Variants in ZNF474 observed in about 807,000 individuals in gnomAD.
ZNF474 encodes the protein zinc finger protein 474, also known as 4933409D10Rik.
For synonymous variants in ZNF474, 192 were observed against 162.2 expected (o/e 1.18, Z -1.39); for missense variants, 511 against 433.8 (o/e 1.18, Z -1.58).
At chr5:122,135,289 T>A (rs1451217594) in intron 1 of ZNF474, among the ~76,000 whole-genome samples, 1 of 151,932 alleles carries the variant, frequency 6.6e-6, no homozygotes, top group Non-Finnish European at 1.5e-5. Flanking sequence ...GGGCAACATA[T>A]CAAGACTTCA....
At chr5:122,146,592 A>G (rs577655589) in intron 1 of ZNF474, among the ~76,000 whole-genome samples, 11 of 152,206 alleles carry the variant, frequency 7.2e-5, no homozygotes, top group Non-Finnish European at 1.5e-4. Flanking sequence ...TGTGCTAATC[A>G]CCAGTATTAA....
At position 122,153,131 on chromosome 5, in the gene ZNF474, A is replaced by G; in HGVS notation, c.*46A>G. 1.3e-6 allele frequency: 2 copies of G among 1,550,720 alleles called. No homozygotes were observed. The highest frequency in any genetic ancestry group is 1.7e-6 in the Non-Finnish European group (2 of 1,152,318). ...CCCAGAATCAGCCACCTCAGCCCCT[A>G]GTATTTTTTCTATCAATGCCTTGTA... On this transcript the variant is annotated 3_prime_UTR_variant, in exon 2 of 2. Transcript: ENST00000296600.
intron 1 of ZNF474, among the ~76,000 whole-genome samples, chr5:122,144,807 T>C (rs527957884): frequency 6.6e-6 from 1 of 152,318 alleles, no homozygotes; most frequent in African/African-American, 2.4e-5. Context: ...AGGCCTCTAA[T>C]GTGATTATAC....
chr5:122,147,423 G>A (rs376624253), intron 1 of ZNF474, among the ~76,000 whole-genome samples: 73 of 152,242 alleles, frequency 4.8e-4, no homozygotes, highest in African/African-American at 1.6e-3. Flanking sequence ...TGTGCACAAC[G>A]TGCAGTTTCG....
chr5:122,139,554 A>G (rs992484638), intron 1 of ZNF474, among the ~76,000 whole-genome samples: 3 of 152,212 alleles, frequency 2.0e-5, no homozygotes, highest in African/African-American at 7.2e-5. Flanking sequence ...TATTGATTTC[A>G]TAATGTCTTC....
intron 1 of ZNF474, among the ~76,000 whole-genome samples, chr5:122,146,440 T>C (rs1755991292): frequency 6.6e-6 from 1 of 152,152 alleles, no homozygotes; most frequent in Non-Finnish European, 1.5e-5. Flanking sequence ...ATCCAGTATT[T>C]ATAGTATCAA....
chr5:122,130,757 G>C (rs1755556470), intron 1 of ZNF474, among the ~76,000 whole-genome samples: 1 of 152,114 alleles, frequency 6.6e-6, no homozygotes, highest in Non-Finnish European at 1.5e-5. Context: ...CTCATGAAAT[G>C]TGTTGACATA....
chr5:122,137,805 C>CTCAAAAAA (rs1755741868), intron 1 of ZNF474, among the ~76,000 whole-genome samples: 1 of 152,172 alleles, frequency 6.6e-6, no homozygotes, highest in Non-Finnish European at 1.5e-5. Context: ...AACCATGGAG[C>CTCAAAAAA]AGTCAGTCAG....
At chr5:122,130,998 C>T (rs1411663052) in intron 1 of ZNF474, among the ~76,000 whole-genome samples, 1 of 152,124 alleles carries the variant, frequency 6.6e-6, no homozygotes, top group South Asian at 2.1e-4. Flanking sequence ...ATCTTCCCTT[C>T]GTCTCATCCT....
intron 1 of ZNF474, among the ~76,000 whole-genome samples, chr5:122,137,516 A>G (rs965094002): frequency 4.6e-5 from 7 of 150,804 alleles, no homozygotes; most frequent in African/African-American, 1.7e-4. Context: ...ATATTTAAAT[A>G]GAGACCTGAA....
rs567820217 is a variant in ZNF474 at position 122,148,406 on chromosome 5, C to T, written c.-212-3373C>T. Among the ~76,000 whole-genome samples the T allele has an allele frequency of 2.6e-5, 4 of 152,318 alleles. No homozygotes were observed. In the South Asian group the frequency reaches 8.3e-4, roughly 32 times the overall value. On this transcript the variant is annotated intron_variant, in intron 1 of 1. Coordinates refer to ENST00000296600, the MANE Select transcript of ZNF474 (RefSeq NM_207317.3). ...AAATGGACGTTTTGTGATGTTTCAT[C>T]GTGTTTGCTGCAGAGAAAATATTTG...
At chr5:122,144,794 T>G (rs1755944235) in intron 1 of ZNF474, among the ~76,000 whole-genome samples, 1 of 152,176 alleles carries the variant, frequency 6.6e-6, no homozygotes, top group Admixed American at 6.5e-5. Context: ...TTCTATATAT[T>G]ATAGGCCTCT....
rs369792024 is a variant in ZNF474 at position 122,130,390 on chromosome 5, G to C, written c.-213+707G>C. On this transcript the variant is annotated intron_variant, in intron 1 of 1. Coordinates refer to ENST00000296600, the MANE Select transcript of ZNF474 (RefSeq NM_207317.3). ...CACTGTTTTGATTTCTGTCCTCAAA[G>C]AATAGTTGGCCATTCATGAACTTTA... 4.7e-4 allele frequency among the ~76,000 whole-genome samples: 71 copies of C among 152,222 alleles called. 2 individuals carry two copies. In the South Asian group the frequency reaches 0.01, roughly 22 times the overall value.
At chr5:122,133,518 A>G (rs539935363) in intron 1 of ZNF474, among the ~76,000 whole-genome samples, 74 of 152,300 alleles carry the variant, frequency 4.9e-4, no homozygotes, top group African/African-American at 1.7e-3. Context: ...CCTAAAATGT[A>G]AACTATTATT....
chr5:122,139,408 A>C (rs1355691094), intron 1 of ZNF474, among the ~76,000 whole-genome samples: 1 of 152,182 alleles, frequency 6.6e-6, no homozygotes, highest in East Asian at 1.9e-4. Flanking sequence ...TCTTTCATGT[A>C]ACCAAATTTA....
At chr5:122,146,362 T>C (rs1202089863) in intron 1 of ZNF474, among the ~76,000 whole-genome samples, 1 of 151,712 alleles carries the variant, frequency 6.6e-6, no homozygotes, top group Admixed American at 6.5e-5. Context: ...TAAAAAATAG[T>C]CATTAAATTT....
intron 1 of ZNF474, among the ~76,000 whole-genome samples, chr5:122,131,177 A>G (rs1396586811): frequency 1.3e-5 from 2 of 152,180 alleles, no homozygotes; most frequent in African/African-American, 2.4e-5. Flanking sequence ...GAATGTGGAG[A>G]AATGGGAACC....
intron 1 of ZNF474, among the ~76,000 whole-genome samples, chr5:122,136,645 A>T: frequency 6.6e-6 from 1 of 152,222 alleles, no homozygotes; most frequent in East Asian, 1.9e-4. Flanking sequence ...CAGTATAGTT[A>T]TGCTTTTAAA....
intron 1 of ZNF474, among the ~76,000 whole-genome samples, chr5:122,148,569 C>G (rs2152606485): frequency 6.6e-6 from 1 of 152,232 alleles, no homozygotes; most frequent in South Asian, 2.1e-4. Flanking sequence ...CAAAACACAT[C>G]ATTCATCGTT....
Sources: gnomAD v4.1 joint callset for allele counts (sites outside exome capture counted in the v4.1 genomes callset) on GRCh38, gnomAD v4.1.1 for gene constraint, MANE v1.5 for transcripts, NCBI Gene and HGNC (gene_info 2026-07-23, HGNC 2026-07-21) for gene names.